Variants in BMERB1 observed in about 807,000 individuals in gnomAD.
The protein encoded by BMERB1 is bMERB domain containing 1, also known as bMERB domain-containing protein 1.
A neutral mutation model predicts 23.6 loss-of-function variants in BMERB1; 12 were observed. The observed-to-expected ratio is 0.51, with a 90% CI of 0.33 to 0.82. The LOEUF (loss-of-function observed/expected upper bound fraction) is 0.82, where lower values mean the gene tolerates loss of function less well. Among genes scored for constraint, BMERB1 ranks in the 40% least tolerant of loss-of-function variants. The pLI, the probability that BMERB1 is intolerant of heterozygous loss-of-function variation, is 0.03. For synonymous variants in BMERB1, 122 were observed against 96.6 expected, an observed-to-expected ratio of 1.26 and a Z score of -1.54; for missense variants, 247 against 255.4, an observed-to-expected ratio of 0.97 and a Z score of 0.22.
chr16:15,573,057 A>G (rs539606606), intron 3 of BMERB1, among the ~76,000 whole-genome samples: 1 of 152,174 alleles, frequency 6.6e-6, no homozygotes, highest in African/African-American at 2.4e-5. Flanking sequence ...AGTTGCGGGT[A>G]TGTTTTTATC....
At chr16:15,544,157 C>T (rs745432736) in intron 2 of BMERB1, among the ~76,000 whole-genome samples, 11 of 152,134 alleles carry the variant, frequency 7.2e-5, no homozygotes, top group African/African-American at 2.2e-4. Context: ...AGATTTCTCT[C>T]GAATTTAGCA....
intron 2 of BMERB1, among the ~76,000 whole-genome samples, chr16:15,559,879 T>C (rs1419775971): frequency 1.3e-5 from 2 of 152,128 alleles, no homozygotes; most frequent in Non-Finnish European, 2.9e-5. Flanking sequence ...ATTGGAAGAA[T>C]TGTCTTGGAC....
At chr16:15,484,695 C>A (rs1024337295) in intron 1 of BMERB1, among the ~76,000 whole-genome samples, 3 of 152,186 alleles carry the variant, frequency 2.0e-5, no homozygotes, top group Non-Finnish European at 2.9e-5. Flanking sequence ...AGCCACCGCA[C>A]CTGGCCTCTT....
Position 15,586,952 on chromosome 16 carries a change from G to A in BMERB1, c.*123G>A. On this transcript the variant is annotated 3_prime_UTR_variant, in exon 6 of 6. Transcript: ENST00000300006. ...AGGGGTTGAAGGCAAGCCCGTGACT[G>A]TCACCAGAGGCCATGGGCACGGCAG... The A allele has an allele frequency of 1.5e-6, 1 of 678,826 alleles. No homozygotes were observed. The allele number at this position is 678,826 out of a possible 1,614,324, so 42.1% of individuals were successfully genotyped here.
intron 1 of BMERB1, among the ~76,000 whole-genome samples, chr16:15,455,280 C>T (rs1261068316): frequency 6.9e-6 from 1 of 145,636 alleles, no homozygotes; most frequent in Non-Finnish European, 1.5e-5. Context: ...GCCGAGATGG[C>T]GCAACTGCAC....
intron 3 of BMERB1, among the ~76,000 whole-genome samples, chr16:15,571,431 C>G (rs1052132474): frequency 4.0e-5 from 6 of 151,770 alleles, no homozygotes; most frequent in African/African-American, 1.5e-4. Context: ...GATCTCTGCT[C>G]ACAGCAAGTT....
At chr16:15,567,861 G>T (rs1004868453) in intron 2 of BMERB1, 122 bp from the exon 3 acceptor site, 2 of 766,168 alleles carry the variant, frequency 2.6e-6, no homozygotes, top group African/African-American at 1.8e-5. Flanking sequence ...TCTACAATGA[G>T]CATGTATGGC....
chr16:15,486,821 G>A (rs1198206471), intron 1 of BMERB1, among the ~76,000 whole-genome samples: 1 of 152,138 alleles, frequency 6.6e-6, no homozygotes, highest in Non-Finnish European at 1.5e-5. Flanking sequence ...TATTTGCTGT[G>A]TGATCTTAGG....
intron 2 of BMERB1, among the ~76,000 whole-genome samples, chr16:15,561,511 C>T (rs1159376002): frequency 6.6e-6 from 1 of 151,728 alleles, no homozygotes; most frequent in East Asian, 2.0e-4. Flanking sequence ...TCAAGTGATC[C>T]TTCCACCTCG....
intron 2 of BMERB1, among the ~76,000 whole-genome samples, chr16:15,520,750 G>A (rs2051842903): frequency 6.6e-6 from 1 of 152,108 alleles, no homozygotes; most frequent in Non-Finnish European, 1.5e-5. Flanking sequence ...GCCTCCCAAA[G>A]TGCTGGGATT....
chr16:15,564,712 A>G (rs541291215), intron 2 of BMERB1, among the ~76,000 whole-genome samples: 9 of 152,330 alleles, frequency 5.9e-5, no homozygotes, highest in African/African-American at 2.2e-4. Context: ...AAATGTTGAA[A>G]TCCCTGTTGC....
intron 1 of BMERB1, among the ~76,000 whole-genome samples, chr16:15,513,730 C>T (rs997868185): frequency 7.9e-5 from 12 of 151,766 alleles, no homozygotes; most frequent in African/African-American, 2.7e-4. Context: ...CCCATCTCAA[C>T]GAAAAATACA....
chr16:15,497,400 T>C (rs747012324), intron 1 of BMERB1, among the ~76,000 whole-genome samples: 2 of 152,196 alleles, frequency 1.3e-5, no homozygotes, highest in Admixed American at 1.3e-4. Context: ...TTGATACTTA[T>C]TTGAGAGGCA....
intron 1 of BMERB1, among the ~76,000 whole-genome samples, chr16:15,489,429 G>T (rs935059726): frequency 1.3e-5 from 2 of 152,070 alleles, no homozygotes; most frequent in Admixed American, 1.3e-4. Context: ...CCTCCCATTG[G>T]CAAAATTCCC....
chr16:15,568,907 G>T (rs2030651833), intron 3 of BMERB1, among the ~76,000 whole-genome samples: 1 of 151,962 alleles, frequency 6.6e-6, no homozygotes, highest in South Asian at 2.1e-4. Context: ...CCTCTGTGGG[G>T]CTTACCCTTA....
chr16:15,519,012 A>G (rs1373658268), intron 2 of BMERB1, among the ~76,000 whole-genome samples: 1 of 151,752 alleles, frequency 6.6e-6, no homozygotes, highest in Non-Finnish European at 1.5e-5. Context: ...AGTGTCATGA[A>G]TATTTGTCAA....
chr16:15,567,350 T>C (rs1044051468), intron 2 of BMERB1, among the ~76,000 whole-genome samples: 5 of 152,158 alleles, frequency 3.3e-5, no homozygotes, highest in African/African-American at 1.2e-4. Flanking sequence ...AAACGTAAAC[T>C]TTAGCTGAAA....
intron 1 of BMERB1, among the ~76,000 whole-genome samples, chr16:15,440,071 C>T (rs1260630802): frequency 6.6e-6 from 1 of 151,652 alleles, no homozygotes; most frequent in African/African-American, 2.4e-5. Flanking sequence ...ATGGTGAAAC[C>T]CTGTCTGTAC....
intron 1 of BMERB1, among the ~76,000 whole-genome samples, chr16:15,498,911 G>A (rs530048345): frequency 1.4e-4 from 21 of 152,328 alleles, no homozygotes; most frequent in African/African-American, 3.6e-4. Context: ...ACAAAGAAGC[G>A]TCCAACTCCA....
Sources: allele counts gnomAD v4.1 joint callset (sites outside exome capture counted in the v4.1 genomes callset), GRCh38; gene constraint gnomAD v4.1.1; transcripts MANE v1.5; gene names NCBI Gene and HGNC (gene_info 2026-07-23, HGNC 2026-07-21).